Variants in CAMK4 observed in about 807,000 individuals in gnomAD.
CAMK4 encodes calcium/calmodulin dependent protein kinase IV, also known as calcium/calmodulin-dependent protein kinase type IV.
In CAMK4, 22 loss-of-function variants were observed where a neutral mutation model predicts 44.9. The ratio of observed to expected loss-of-function variants is 0.49; its 90% CI spans 0.35 to 0.70. The LOEUF is 0.70. Among genes scored for constraint, CAMK4 ranks in the 30% least tolerant of loss-of-function variants. CAMK4 has a pLI of 0.01. For missense variants in CAMK4, 498 were observed against 586.8 expected, an observed-to-expected ratio of 0.85 and a Z score of 1.56; for synonymous variants, 218 against 215.4, an observed-to-expected ratio of 1.01 and a Z score of -0.11.
At chr5:111,351,892 G>T (rs886785485) in intron 2 of CAMK4, among the ~76,000 whole-genome samples, 1 of 152,134 alleles carries the variant, frequency 6.6e-6, no homozygotes, top group Non-Finnish European at 1.5e-5. Flanking sequence ...AGGCTGAGAA[G>T]TCCAAGGTCA....
chr5:111,388,084 G>T (rs1355250659), intron 4 of CAMK4, among the ~76,000 whole-genome samples: 2 of 152,140 alleles, frequency 1.3e-5, no homozygotes, highest in Non-Finnish European at 2.9e-5. Flanking sequence ...TCTGTTTAAG[G>T]AATCATCTGG....
chr5:111,319,534 G>T (rs1442843385), intron 1 of CAMK4, among the ~76,000 whole-genome samples: 1 of 152,094 alleles, frequency 6.6e-6, no homozygotes, highest in Non-Finnish European at 1.5e-5. Context: ...CAGGCTGTGT[G>T]CTAGGCACCT....
At chr5:111,271,965 CTT>C in intron 1 of CAMK4, among the ~76,000 whole-genome samples, 1 of 152,228 alleles carries the variant, frequency 6.6e-6, no homozygotes, top group Non-Finnish European at 1.5e-5. Context: ...CTTGAATAGT[CTT>C]TTTAAATATT....
chr5:111,425,179 A>AG (rs1753180365), intron 5 of CAMK4, among the ~76,000 whole-genome samples: 1 of 152,126 alleles, frequency 6.6e-6, no homozygotes, highest in East Asian at 1.9e-4. Flanking sequence ...AAAAAAAAAA[A>AG]AAAGTTTAAC....
chr5:111,335,629 G>A (rs1014235288), intron 1 of CAMK4, among the ~76,000 whole-genome samples: 3 of 151,288 alleles, frequency 2.0e-5, no homozygotes, highest in African/African-American at 4.8e-5. Flanking sequence ...TCTACACTAC[G>A]TAGTCCTAAA....
chr5:111,323,960 G>A (rs1748768635), intron 1 of CAMK4, among the ~76,000 whole-genome samples: 1 of 151,994 alleles, frequency 6.6e-6, no homozygotes. Flanking sequence ...CCAAAAGATA[G>A]GAAAGCAAGA....
intron 1 of CAMK4, among the ~76,000 whole-genome samples, chr5:111,333,189 G>A (rs1435470554): frequency 4.6e-5 from 7 of 151,580 alleles, no homozygotes; most frequent in Non-Finnish European, 1.0e-4. Flanking sequence ...GTATGGAATA[G>A]AAGGAAAGAG....
At position 111,494,364 on chromosome 5, in the gene CAMK4, A is replaced by G. The variant is rs1456417769; in HGVS notation, c.*9898A>G. The G allele has an allele frequency of 6.6e-6, 1 of 152,180 alleles. No homozygotes were observed. Among genetic ancestry groups the G allele is most frequent in the Non-Finnish European group, 1.5e-5 (1 of 68,026 alleles). 9.4% of individuals were successfully genotyped at this position (152,180 alleles called of 1,614,324 possible). A position where few individuals can be genotyped will look rare whatever the true frequency, so the allele number is the denominator to read the frequency against. On this transcript the variant is annotated 3_prime_UTR_variant, in exon 11 of 11. Transcript: ENST00000282356. ...GTGCTATTGACTACTTAATACAAAG[A>G]TATATTACAATATTTTTAGGTAAAT...
At chr5:111,348,990 C>T (rs1749982221) in intron 2 of CAMK4, among the ~76,000 whole-genome samples, 1 of 151,956 alleles carries the variant, frequency 6.6e-6, no homozygotes, top group Non-Finnish European at 1.5e-5. Context: ...TGGATATTTC[C>T]TGTAACAATA....
chr5:111,395,230 A>G (rs12514983), intron 5 of CAMK4, among the ~76,000 whole-genome samples: 82,567 of 105,708 alleles, frequency 0.78, 31,686 homozygotes, highest in South Asian at 0.86. Flanking sequence ...AAAAAAAAGA[A>G]AAAAAAAAAG....
chr5:111,289,239 G>A (rs1032583562), intron 1 of CAMK4, among the ~76,000 whole-genome samples: 3 of 152,170 alleles, frequency 2.0e-5, no homozygotes, highest in Non-Finnish European at 1.5e-5. Context: ...CCAGCTATTC[G>A]GGAGGCTGAG....
chr5:111,423,196 A>G (rs1753092612), intron 5 of CAMK4, among the ~76,000 whole-genome samples: 1 of 152,196 alleles, frequency 6.6e-6, no homozygotes, highest in African/African-American at 2.4e-5. Context: ...AAATCACATT[A>G]TTTTCAAAAA....
At chr5:111,321,875 C>T (rs923688501) in intron 1 of CAMK4, among the ~76,000 whole-genome samples, 1 of 152,092 alleles carries the variant, frequency 6.6e-6, no homozygotes, top group African/African-American at 2.4e-5. Flanking sequence ...TAATCTCCTT[C>T]AATCACAAGT....
Position 111,290,184 on chromosome 5 carries a change from T to C in CAMK4, c.162-53840T>C, listed in dbSNP as rs2112622935. 6.6e-6 allele frequency among the ~76,000 whole-genome samples: 1 copy of C among 152,310 alleles called. No individual in the cohort carries two copies. Among genetic ancestry groups the C allele is most frequent in the Middle Eastern group, 3.4e-3 (1 of 294 alleles). ...TTTGGAGTATAGACGCCTGCTCCCC[T>C]ACCCATAAAAATTTTCCTTGAGCTG... On this transcript the variant is annotated intron_variant, in intron 1 of 10. Coordinates refer to ENST00000282356, the MANE Select transcript of CAMK4 (RefSeq NM_001744.6). The surrounding 1 kb of genome is among the most constrained non-coding windows in gnomAD (Gnocchi z 4.5).
At chr5:111,248,201 T>A (rs892830379) in intron 1 of CAMK4, among the ~76,000 whole-genome samples, 13 of 152,244 alleles carry the variant, frequency 8.5e-5, no homozygotes, top group Non-Finnish European at 1.8e-4. Context: ...ATCTTCTGTC[T>A]TCTTCACAAA....
chr5:111,451,240 A>G (rs1754221494), intron 7 of CAMK4, among the ~76,000 whole-genome samples: 1 of 152,058 alleles, frequency 6.6e-6, no homozygotes, highest in South Asian at 2.1e-4. Context: ...TCCCTGTACT[A>G]TAGGGAAATT....
chr5:111,395,203 C>T (rs1751952829), intron 5 of CAMK4, among the ~76,000 whole-genome samples: 2 of 110,836 alleles, frequency 1.8e-5, no homozygotes, highest in Non-Finnish European at 3.5e-5. Flanking sequence ...GAGAGAGAGA[C>T]CCTGTCTCAA....
rs375197241 is a variant in CAMK4, at chr5:111,439,918, A to G, written c.460-6768A>G. 2.0e-5 allele frequency among the ~76,000 whole-genome samples: 3 copies of G among 152,200 alleles called. No homozygotes were observed. The East Asian group carries it at 5.8e-4, about 29-fold the overall frequency. Reference sequence around the variant, plus strand: ...TAGTCAGATGTCTTTGGGTTGAGAAAAATGAGTCAGAACAGGGTATTGGGT... The same window carrying G: ...TAGTCAGATGTCTTTGGGTTGAGAAGAATGAGTCAGAACAGGGTATTGGGT... On this transcript the variant is annotated intron_variant, in intron 5 of 10. Transcript: ENST00000282356.
rs530694006 is a variant in CAMK4 at position 111,475,859 on chromosome 5, C to A, written c.701+2473C>A. 3.9e-5 allele frequency among the ~76,000 whole-genome samples: 6 copies of A among 152,256 alleles called. No homozygotes were observed. In the East Asian group the frequency reaches 1.2e-3, roughly 29 times the overall value. ...ATTGGTTTAATGTACATTTAGTGGC[C>A]TGCTGGGCACCTGAGACTATGACCT... On this transcript the variant is annotated intron_variant, in intron 8 of 10. Coordinates refer to ENST00000282356, the MANE Select transcript of CAMK4 (RefSeq NM_001744.6).
Sources: allele counts gnomAD v4.1 joint callset (sites outside exome capture counted in the v4.1 genomes callset), GRCh38; gene constraint gnomAD v4.1.1; non-coding constraint Gnocchi (gnomAD v3.1); transcripts MANE v1.5; gene names NCBI Gene and HGNC (gene_info 2026-07-23, HGNC 2026-07-21).